ENPP6: variants seen among roughly 807,000 people sequenced by gnomAD.
ENPP6 encodes ectonucleotide pyrophosphatase/phosphodiesterase 6, also known as glycerophosphocholine cholinephosphodiesterase ENPP6.
A neutral mutation model predicts 42.0 loss-of-function variants in ENPP6; 32 were observed. The ratio of observed to expected loss-of-function variants is 0.76; its 90% CI spans 0.58 to 1.02. The LOEUF (loss-of-function observed/expected upper bound fraction) is 1.02, where lower values mean the gene tolerates loss of function less well. ENPP6 is among the 50% of genes least tolerant of loss of function. ENPP6 has a pLI of 0.00. For synonymous variants in ENPP6, 213 were observed against 216.0 expected (o/e 0.99, Z 0.12); for missense variants, 552 against 566.8 (o/e 0.97, Z 0.27).
intron 5 of ENPP6, among the ~76,000 whole-genome samples, chr4:184,114,002 G>C (rs181645657): frequency 1.5e-5 from 2 of 130,002 alleles, no homozygotes; most frequent in Admixed American, 1.7e-4. Context: ...TTTTGCTCTT[G>C]TCACCCAGGC....
intron 1 of ENPP6, among the ~76,000 whole-genome samples, chr4:184,167,862 C>T (rs1390341663): frequency 6.6e-6 from 1 of 152,196 alleles, no homozygotes; most frequent in Non-Finnish European, 1.5e-5. Context: ...CACTGGGTCT[C>T]ATTCAGTGAT....
intron 2 of ENPP6, among the ~76,000 whole-genome samples, chr4:184,138,874 C>A (rs1351861998): frequency 2.0e-5 from 3 of 152,218 alleles, no homozygotes; most frequent in Admixed American, 6.5e-5. Flanking sequence ...CCAACTAAAG[C>A]TCTATGTGCA....
intron 2 of ENPP6, among the ~76,000 whole-genome samples, chr4:184,137,038 T>TA (rs925696367): frequency 1.2e-4 from 19 of 152,334 alleles, no homozygotes; most frequent in African/African-American, 4.6e-4. Flanking sequence ...GTTCCCTTTG[T>TA]AAAAAAGATT....
chr4:184,201,639 C>G (rs1168018949), intron 1 of ENPP6, among the ~76,000 whole-genome samples: 1 of 152,122 alleles, frequency 6.6e-6, no homozygotes, highest in Non-Finnish European at 1.5e-5. Context: ...AAGAAACATA[C>G]TTTTTGAAAA....
At chr4:184,127,448 C>T (rs1471988803) in intron 2 of ENPP6, among the ~76,000 whole-genome samples, 2 of 152,090 alleles carry the variant, frequency 1.3e-5, no homozygotes, top group Non-Finnish European at 2.9e-5. Context: ...GAGTTTTAAA[C>T]TCCAAAACAT....
intron 1 of ENPP6, among the ~76,000 whole-genome samples, chr4:184,155,162 G>T (rs1404172692): frequency 6.6e-6 from 1 of 152,082 alleles, no homozygotes; most frequent in Non-Finnish European, 1.5e-5. Flanking sequence ...TTCCTAGTAT[G>T]TTCTCACCAA....
At chr4:184,207,162 T>C (rs1168973386) in intron 1 of ENPP6, among the ~76,000 whole-genome samples, 1 of 152,244 alleles carries the variant, frequency 6.6e-6, no homozygotes, top group Non-Finnish European at 1.5e-5. Flanking sequence ...AATAATATAC[T>C]GTGGAACAAA....
rs562952055 is a variant in ENPP6, at chr4:184,184,938, C to A, written c.242-31205G>T. ...CCCTAGGGAGCTGACACAAAGGCTG[C>A]GAGACAGGAGGAATGGGAGGAGAGG... is the stretch of plus-strand genomic sequence containing the variant. On this transcript the variant is annotated intron_variant, in intron 1 of 7. Coordinates refer to ENST00000296741, the MANE Select transcript of ENPP6 (RefSeq NM_153343.4). This position sits in a 1 kb window ranked among gnomAD's most constrained non-coding sequence, Gnocchi z 4.7. 6.6e-6 allele frequency among the ~76,000 whole-genome samples: 1 copy of A among 151,948 alleles called. No individual in the cohort carries two copies. The highest frequency in any genetic ancestry group is 1.5e-5 in the Non-Finnish European group (1 of 68,010).
At chr4:184,215,721 T>G (rs1391761567) in intron 1 of ENPP6, among the ~76,000 whole-genome samples, 2 of 152,162 alleles carry the variant, frequency 1.3e-5, no homozygotes, top group Non-Finnish European at 2.9e-5. Context: ...TACAGAGACT[T>G]AACACATATG....
intron 1 of ENPP6, among the ~76,000 whole-genome samples, chr4:184,193,921 TACTG>T (rs1732744675): frequency 6.6e-6 from 1 of 152,218 alleles, no homozygotes; most frequent in South Asian, 2.1e-4. Flanking sequence ...AGTTTGATGC[TACTG>T]ACTTTCTTCT....
chr4:184,191,866 G>A lies in ENPP6; in HGVS notation c.241+25713C>T, dbSNP rs1482792725. On this transcript the variant is annotated intron_variant, in intron 1 of 7. Coordinates refer to ENST00000296741, the MANE Select transcript of ENPP6 (RefSeq NM_153343.4). ...TTATATACTGCAAAAATAAAATTCT[G>A]AAGATAATTCCATTCACATTAACGT... Among the ~76,000 whole-genome samples, 8 of 152,260 alleles carry A rather than the reference G, an allele frequency of 5.3e-5. No individual in the cohort carries two copies. In the East Asian group the frequency reaches 1.3e-3, roughly 26 times the overall value.
chr4:184,208,878 G>A (rs1490528893), intron 1 of ENPP6, among the ~76,000 whole-genome samples: 1 of 143,268 alleles, frequency 7.0e-6, no homozygotes, highest in Admixed American at 7.2e-5. Flanking sequence ...CCAGCACGCA[G>A]CTGGAGATCT....
At chr4:184,188,498 G>A (rs1732669268) in intron 1 of ENPP6, among the ~76,000 whole-genome samples, 1 of 152,094 alleles carries the variant, frequency 6.6e-6, no homozygotes, top group Non-Finnish European at 1.5e-5. Context: ...ACGACTCAAA[G>A]CTTCTGTCCT....
At chr4:184,207,377 C>T (rs2111120801) in intron 1 of ENPP6, among the ~76,000 whole-genome samples, 1 of 152,346 alleles carries the variant, frequency 6.6e-6, no homozygotes, top group Non-Finnish European at 1.5e-5. Flanking sequence ...TGCAGCATTT[C>T]CCTCTTACCC....
intron 1 of ENPP6, among the ~76,000 whole-genome samples, chr4:184,186,039 G>A (rs1270282952): frequency 3.3e-5 from 5 of 152,166 alleles, no homozygotes; most frequent in Admixed American, 3.3e-4. Flanking sequence ...AGCTGGTCCA[G>A]CAGAAACAAA....
At position 184,182,777 on chromosome 4, in the gene ENPP6, T is replaced by C. The variant is rs185508201; in HGVS notation, c.242-29044A>G. 2.6e-5 allele frequency among the ~76,000 whole-genome samples: 4 copies of C among 152,306 alleles called. No individual in the cohort carries two copies. The East Asian group carries it at 7.7e-4, about 29-fold the overall frequency. On this transcript the variant is annotated intron_variant, in intron 1 of 7. Coordinates refer to ENST00000296741, the MANE Select transcript of ENPP6 (RefSeq NM_153343.4). Reference sequence around the variant, plus strand: ...CAAGGACAGAAAACCAAACACCACATGTTCTCACTTACAAGTGGGAGCTGA... The same window carrying C: ...CAAGGACAGAAAACCAAACACCACACGTTCTCACTTACAAGTGGGAGCTGA...
At chr4:184,154,885 G>A (rs1408074790) in intron 1 of ENPP6, among the ~76,000 whole-genome samples, 1 of 152,186 alleles carries the variant, frequency 6.6e-6, no homozygotes, top group African/African-American at 2.4e-5. Flanking sequence ...AATGGTTAAG[G>A]AAGTTATTTT....
At position 184,091,840 on chromosome 4, in the gene ENPP6, G is replaced by A. The variant is rs1209084573; in HGVS notation, c.1118-458C>T. ...AAGCCCAGGAGTTCAAGGCTGCAGT[G>A]AGCCATGATAGTGCCACTGTACTCC... On this transcript the variant is annotated intron_variant, in intron 7 of 7. Coordinates refer to ENST00000296741, the MANE Select transcript of ENPP6 (RefSeq NM_153343.4). 2.6e-5 allele frequency among the ~76,000 whole-genome samples: 4 copies of A among 152,192 alleles called. No individual in the cohort carries two copies. In the East Asian group the frequency reaches 7.7e-4, roughly 29 times the overall value.
intron 2 of ENPP6, among the ~76,000 whole-genome samples, chr4:184,143,746 G>A (rs1165479541): frequency 6.6e-6 from 1 of 152,242 alleles, no homozygotes; most frequent in Non-Finnish European, 1.5e-5. Context: ...AGCAGAGAGA[G>A]GCTAAGGGAT....
Sources: allele counts gnomAD v4.1 joint callset (sites outside exome capture counted in the v4.1 genomes callset), GRCh38; gene constraint gnomAD v4.1.1; non-coding constraint Gnocchi (gnomAD v3.1); transcripts MANE v1.5; gene names NCBI Gene and HGNC (gene_info 2026-07-23, HGNC 2026-07-21).